The following MGAT4C variants were observed in gnomAD, a reference collection of about 807,000 sequenced individuals.
The protein encoded by MGAT4C is MGAT4 family member C.
In MGAT4C, 19 loss-of-function variants were observed where a neutral mutation model predicts 40.1. The observed-to-expected ratio is 0.47, with a 90% confidence interval of 0.33 to 0.70. MGAT4C has a LOEUF of 0.70. Among genes scored for constraint, MGAT4C ranks in the 30% least tolerant of loss-of-function variants. MGAT4C has a pLI of 0.02. For synonymous variants in MGAT4C, 181 were observed against 187.1 expected (o/e 0.97, Z 0.27); for missense variants, 491 against 563.2 (o/e 0.87, Z 1.30).
intron 2 of MGAT4C, among the ~76,000 whole-genome samples, chr12:86,452,101 C>G (rs1158824369): frequency 6.6e-6 from 1 of 152,008 alleles, no homozygotes; most frequent in Non-Finnish European, 1.5e-5. Flanking sequence ...TCAGTTGAGG[C>G]TGACCTGTTT....
intron 2 of MGAT4C, among the ~76,000 whole-genome samples, chr12:86,669,024 A>G (rs1277880057): frequency 6.6e-6 from 1 of 152,076 alleles, no homozygotes; most frequent in Non-Finnish European, 1.5e-5. Context: ...AACTCCAGGT[A>G]TTTGGAGCAC....
intron 1 of MGAT4C, among the ~76,000 whole-genome samples, chr12:86,747,352 T>C (rs1951167526): frequency 6.6e-6 from 1 of 151,678 alleles, no homozygotes; most frequent in Non-Finnish European, 1.5e-5. Flanking sequence ...TAAATGGCTG[T>C]CCAACTAGGC....
At chr12:86,618,091 C>G (rs1962514331) in intron 2 of MGAT4C, among the ~76,000 whole-genome samples, 1 of 152,082 alleles carries the variant, frequency 6.6e-6, no homozygotes, top group Admixed American at 6.6e-5. Context: ...CTCAATATCA[C>G]TAACTTCAGG....
intron 2 of MGAT4C, among the ~76,000 whole-genome samples, chr12:86,031,295 G>A (rs1444552985): frequency 6.6e-6 from 1 of 151,724 alleles, no homozygotes; most frequent in African/African-American, 2.4e-5. Flanking sequence ...GATAAACCAA[G>A]TGAAACGATG....
At chr12:86,038,165 T>C (rs1891429063) in intron 2 of MGAT4C, among the ~76,000 whole-genome samples, 1 of 149,738 alleles carries the variant, frequency 6.7e-6, no homozygotes, top group Admixed American at 6.7e-5. Context: ...GGTGTGATGG[T>C]TTAGCATTTC....
chr12:86,692,756 G>T (rs1204481205), intron 2 of MGAT4C, among the ~76,000 whole-genome samples: 4 of 152,142 alleles, frequency 2.6e-5, no homozygotes, highest in African/African-American at 9.7e-5. Context: ...TACAGTCTTG[G>T]TTTATGAAAA....
rs148984858 is a variant in MGAT4C, at chr12:86,816,222, T to C, written c.-262+22444A>G. 3.2e-3 allele frequency among the ~76,000 whole-genome samples: 485 copies of C among 152,032 alleles called. 4 individuals are homozygous for C. Among genetic ancestry groups the C allele is most frequent in the African/African-American group, 0.011 (455 of 41,538 alleles). Reference sequence around the variant, plus strand: ...AAATGAATTTCTCTTTCATATCTCCTATATTTGTAGGTTACAAGGAATATA... The same window carrying C: ...AAATGAATTTCTCTTTCATATCTCCCATATTTGTAGGTTACAAGGAATATA... On this transcript the variant is annotated intron_variant, in intron 1 of 7. Coordinates refer to the MGAT4C transcript ENST00000548651.
chr12:86,022,058 A>G (rs1889788807), intron 2 of MGAT4C, among the ~76,000 whole-genome samples: 1 of 152,242 alleles, frequency 6.6e-6, no homozygotes. Flanking sequence ...TCTAAAAATA[A>G]TAAGAATTTT....
intron 2 of MGAT4C, among the ~76,000 whole-genome samples, chr12:86,563,647 C>G (rs1256521368): frequency 6.6e-6 from 1 of 152,170 alleles, no homozygotes; most frequent in Non-Finnish European, 1.5e-5. Context: ...AAGGAGACCT[C>G]TGGTCTTTTA....
At chr12:86,353,984 C>T (rs552490827) in intron 3 of MGAT4C, among the ~76,000 whole-genome samples, 1 of 152,146 alleles carries the variant, frequency 6.6e-6, no homozygotes, top group Non-Finnish European at 1.5e-5. Context: ...TGGAGAAAAT[C>T]TGTACAAGGA....
At chr12:86,043,039 T>A (rs372521921) in intron 2 of MGAT4C, among the ~76,000 whole-genome samples, 8 of 152,156 alleles carry the variant, frequency 5.3e-5, no homozygotes, top group Admixed American at 2.0e-4. Context: ...GAGAATCTGA[T>A]GACTATGAGT....
chr12:86,734,207 GAC>G (rs1198932239), intron 1 of MGAT4C, among the ~76,000 whole-genome samples: 1 of 152,036 alleles, frequency 6.6e-6, no homozygotes, highest in Non-Finnish European at 1.5e-5. Context: ...GAAATAAAAA[GAC>G]AAATTAAAAA....
At chr12:86,074,140 C>T (rs1208162285) in intron 1 of MGAT4C, among the ~76,000 whole-genome samples, 1 of 152,122 alleles carries the variant, frequency 6.6e-6, no homozygotes, top group Non-Finnish European at 1.5e-5. Flanking sequence ...ACATCTTCCA[C>T]ATTTTTCTCT....
chr12:86,267,979 A>G (rs61950666), intron 4 of MGAT4C, among the ~76,000 whole-genome samples: 6,452 of 152,244 alleles, frequency 0.042, 201 homozygotes, highest in Non-Finnish European at 0.065. Flanking sequence ...TGGCATTAGA[A>G]TATATTGAAA....
rs779258682 is a variant in MGAT4C at position 86,203,957 on chromosome 12, C to CAA, written c.-57+52280_-57+52281dup. Among the ~76,000 whole-genome samples, 163 of 66,628 alleles carry CAA rather than the reference C, an allele frequency of 2.4e-3. 2 individuals carry two copies. Among genetic ancestry groups the CAA allele is most frequent in the South Asian group, 7.4e-3 (14 of 1,900 alleles). 43.7% of individuals were successfully genotyped at this position (66,628 alleles called of 152,430 possible). ...GGGCAACGAGAGCGAAACTTCGTCTCAAAAAAAAAAAAAAAGAAATATATA... is the reference window on the plus strand; with the variant it reads ...GGGCAACGAGAGCGAAACTTCGTCTCAAAAAAAAAAAAAAAAAGAAATATATA... On this transcript the variant is annotated intron_variant, in intron 1 of 4. Transcript: ENST00000611864.
chr12:86,804,208 T>C (rs1293485583), intron 1 of MGAT4C, among the ~76,000 whole-genome samples: 2 of 146,268 alleles, frequency 1.4e-5, no homozygotes, highest in Non-Finnish European at 3.0e-5. Context: ...TAGGTGGGAA[T>C]TGAACAATGA....
At chr12:86,677,008 T>C (rs1964416632) in intron 2 of MGAT4C, among the ~76,000 whole-genome samples, 1 of 152,042 alleles carries the variant, frequency 6.6e-6, no homozygotes, top group African/African-American at 2.4e-5. Flanking sequence ...TCCAGTGTTG[T>C]AGAACTGTGA....
In MGAT4C at chr12:86,702,083, C is replaced by T. The variant is rs1008509619; in HGVS notation, c.-229+25126G>A. ...TTTCGCACAGGGAAGAGTACAGTGG[C>T]ATGACCACAGCTCATACAGCCTCAA... On this transcript the variant is annotated intron_variant, in intron 2 of 7. Transcript: ENST00000548651. Among the ~76,000 whole-genome samples the T allele has an allele frequency of 2.0e-5, 3 of 152,082 alleles. No individual in the cohort carries two copies. In the South Asian group the frequency reaches 6.2e-4, roughly 31 times the overall value.
At chr12:85,996,221 T>G (rs1024830783) in intron 2 of MGAT4C, among the ~76,000 whole-genome samples, 5 of 152,182 alleles carry the variant, frequency 3.3e-5, no homozygotes, top group Admixed American at 2.0e-4. Context: ...AAGGCTATCA[T>G]AAATATGTCC....
Sources: gnomAD v4.1 joint callset for allele counts (sites outside exome capture counted in the v4.1 genomes callset) on GRCh38, gnomAD v4.1.1 for gene constraint, MANE v1.5 for transcripts, NCBI Gene and HGNC (gene_info 2026-07-23, HGNC 2026-07-21) for gene names.